Variants in HEY2 observed in about 807,000 individuals in gnomAD.
HEY2 encodes the protein hes related family bHLH transcription factor with YRPW motif 2, also known as hairy/enhancer-of-split related with YRPW motif protein 2.
In HEY2, 10 loss-of-function variants were observed where a neutral mutation model predicts 18.1. That is an observed-to-expected ratio of 0.55 (90% CI 0.34 to 0.94). The LOEUF is 0.94. HEY2 is among the 40% of genes least tolerant of loss of function. The pLI is 0.02. For synonymous variants in HEY2, 210 were observed against 182.7 expected, an observed-to-expected ratio of 1.15 and a Z score of -1.21; for missense variants, 455 against 455.9, an observed-to-expected ratio of 1.00 and a Z score of 0.02.
At position 125,754,535 on chromosome 6, in the gene HEY2, CAG is replaced by C. The variant is rs1381489248; in HGVS notation, c.318_319del (p.Gly108Ter). 14 of 1,584,072 alleles carry C rather than the reference CAG, an allele frequency of 8.8e-6. No individual in the cohort carries two copies. The highest frequency in any genetic ancestry group is 2.3e-5 in the South Asian group (2 of 86,788). Reference sequence around the variant, plus strand: ...GATCATTTGAAGATGCTTCAGGCAACAGGGGGTAAAGGTAAGTAGATGACTTC... The same window carrying C: ...GATCATTTGAAGATGCTTCAGGCAACGGGGTAAAGGTAAGTAGATGACTTC... On this transcript the variant is annotated frameshift_variant, in exon 4 of 5. Transcript: ENST00000368364. LOFTEE classifies it low-confidence loss of function (END_TRUNC).
chr6:125,755,653 C>T (rs1773640189), intron 4 of HEY2, among the ~76,000 whole-genome samples: 1 of 152,162 alleles, frequency 6.6e-6, no homozygotes, highest in Admixed American at 6.5e-5. Context: ...TTTCCTGCGT[C>T]TAGTAGGGAG....
chr6:125,754,439 A>G, intron 3 of HEY2, 26 bp from the exon 4 acceptor site: 11 of 1,222,516 alleles, frequency 9.0e-6, no homozygotes, highest in Non-Finnish European at 1.3e-5. Flanking sequence ...ACATAGGATT[A>G]TTTATTTATT....
In HEY2 at chr6:125,759,959, T is replaced by G. The variant is rs1263386376; in HGVS notation, c.*157T>G. 1 of 671,156 alleles carries G rather than the reference T, an allele frequency of 1.5e-6. No individual in the cohort carries two copies. The highest frequency in any genetic ancestry group is 1.8e-5 in the African/African-American group (1 of 54,992). 41.6% of individuals were successfully genotyped at this position (671,156 alleles called of 1,614,324 possible). ...ACAAACCTCACGAGTGGAAATGTGG[T>G]ATTCTCTTTTTTTTCTCTCCCTTTT... On this transcript the variant is annotated 3_prime_UTR_variant, in exon 5 of 5. Transcript: ENST00000368364.
In HEY2 at chr6:125,749,868, G is replaced by T; in HGVS notation, c.83+9G>T. The T allele has an allele frequency of 2.6e-6, 4 of 1,560,538 alleles. No individual in the cohort carries two copies. Among genetic ancestry groups the T allele is most frequent in the Non-Finnish European group, 3.5e-6 (4 of 1,152,396 alleles). On this transcript the variant is annotated intron_variant, in intron 1 of 4. Coordinates refer to ENST00000368364, the MANE Select transcript of HEY2 (RefSeq NM_012259.3). ...GAGAACAATTACTCGGGGTGAGCGC[G>T]GGCTCCGCGGGAGCGGCCCGCAGCT...
chr6:125,759,442 G>A lies in HEY2; in HGVS notation c.654G>A (p.Val218=). ...GTCGCCTCTCCACAACTTCAGAAGT[G>A]CCTCCTGCCCACGGCTCTGCTCTCC... The part of the protein sequence containing the change: ...TPCRLSTTSE[V]PPAHGSALLT... Residue 218 remains valine, a synonymous_variant, in exon 5 of 5, where the codon GTG becomes GTA. Coordinates refer to ENST00000368364, the MANE Select transcript of HEY2 (RefSeq NM_012259.3). The A allele has an allele frequency of 6.2e-7, 1 of 1,611,618 alleles. No individual in the cohort carries two copies. The highest frequency in any genetic ancestry group is 8.5e-7 in the Non-Finnish European group (1 of 1,179,936).
intron 2 of HEY2, 28 bp downstream of exon 2, chr6:125,751,907 C>T (rs1483018867): frequency 6.3e-7 from 1 of 1,588,064 alleles, no homozygotes; most frequent in South Asian, 1.1e-5. Context: ...CTTTTTATTT[C>T]ATGTAACTTA....
intron 4 of HEY2, among the ~76,000 whole-genome samples, chr6:125,755,590 A>G (rs2128529047): frequency 1.3e-5 from 2 of 152,250 alleles, no homozygotes; most frequent in South Asian, 2.1e-4. Context: ...TAACTCCTGT[A>G]TGGCCATACC....
In HEY2 at chr6:125,759,297, C is replaced by T. The variant is rs1014405316; in HGVS notation, c.509C>T (p.Thr170Ile). 6.2e-6 allele frequency: 10 copies of T among 1,605,866 alleles called. No individual in the cohort carries two copies. The African/African-American group carries it at 9.3e-5, about 15-fold the overall frequency. ...ACCCAGCGGGAGGCGGCGGCCATGACATCCTCCATGGCCCACCACCATCAT... is the reference window on the plus strand; with the variant it reads ...ACCCAGCGGGAGGCGGCGGCCATGATATCCTCCATGGCCCACCACCATCAT... The part of the protein sequence containing the change: ...CATQREAAAM[T>I]SSMAHHHHPL... Residue 170 changes from threonine (T) to isoleucine (I), a missense_variant, in exon 5 of 5, where the codon ACA (threonine) becomes ATA (isoleucine). Physicochemically the swap from Thr to Ile is moderately conservative, Grantham distance 89. Transcript: ENST00000368364.
At chr6:125,758,821 G>A (rs773231560) in intron 4 of HEY2, among the ~76,000 whole-genome samples, 11 of 152,166 alleles carry the variant, frequency 7.2e-5, no homozygotes, top group African/African-American at 2.4e-4. Flanking sequence ...TTTGAAACGC[G>A]GATGTTCTTA....
In HEY2 at chr6:125,754,449, T is replaced by G; in HGVS notation, c.247-16T>G. On this transcript the variant is annotated splice_polypyrimidine_tract_variant and intron_variant, in intron 3 of 4. Coordinates refer to ENST00000368364, the MANE Select transcript of HEY2 (RefSeq NM_012259.3). Reference sequence around the variant, plus strand: ...GTAGGACATAGGATTATTTATTTATTTATTTATTTATGAAGGGATCTGCAA... The same window carrying G: ...GTAGGACATAGGATTATTTATTTATGTATTTATTTATGAAGGGATCTGCAA... 2 of 1,406,578 alleles carry G rather than the reference T, an allele frequency of 1.4e-6. No individual in the cohort carries two copies. The highest frequency in any genetic ancestry group is 2.0e-6 in the Non-Finnish European group (2 of 1,017,732). 87.1% of individuals were successfully genotyped at this position (1,406,578 alleles called of 1,614,324 possible).
chr6:125,751,081 G>A (rs963029504), intron 1 of HEY2, among the ~76,000 whole-genome samples: 1 of 152,170 alleles, frequency 6.6e-6, no homozygotes, highest in African/African-American at 2.4e-5. Flanking sequence ...AAGGTGCATT[G>A]CAGCTTCTGG....
rs1773729040 is a variant in HEY2, at chr6:125,759,219, A to T, written c.431A>T (p.Asp144Val). ...ARYLSSVEGLDSSDPLRVRLV... is the reference protein window; with the variant it reads ...ARYLSSVEGLVSSDPLRVRLV... ...TACCTGAGCTCCGTGGAAGGCCTGG[A>T]CTCCTCGGATCCGCTGCGGGTGCGG... The change falls in exon 5 of 5, where the codon GAC becomes GTC. Residue 144 changes from aspartate to valine, a missense_variant. Coordinates refer to ENST00000368364, the MANE Select transcript of HEY2 (RefSeq NM_012259.3). The T allele has an allele frequency of 1.2e-6, 2 of 1,612,568 alleles. No homozygotes were observed. Among genetic ancestry groups the T allele is most frequent in the Non-Finnish European group, 1.7e-6 (2 of 1,179,950 alleles).
At chr6:125,753,576 A>AAAGAGAACT (rs1300587458) in intron 3 of HEY2, among the ~76,000 whole-genome samples, 1 of 152,200 alleles carries the variant, frequency 6.6e-6, no homozygotes, top group Non-Finnish European at 1.5e-5. Flanking sequence ...AAAGAAAAAA[A>AAAGAGAACT]AAGAGAACAT....
rs1269198137 is a variant in HEY2, at chr6:125,759,605, G to A, written c.817G>A (p.Ala273Thr). The change falls in exon 5 of 5, where the codon GCG becomes ACG. Residue 273 changes from alanine (A) to threonine (T), a missense_variant. Physicochemically the swap from Ala to Thr is moderately conservative, Grantham distance 58. Coordinates refer to ENST00000368364, the MANE Select transcript of HEY2 (RefSeq NM_012259.3). The part of the protein sequence containing the change: ...TVHAAAAAAT[A>T]AAHSFPLSFA... ...CCACGCCGCAGCCGCAGCAGCCACC[G>A]CGGCTGCACACAGCTTCCCTCTGTC... 3 of 1,610,420 alleles carry A rather than the reference G, an allele frequency of 1.9e-6. No homozygotes were observed. The highest frequency in any genetic ancestry group is 2.5e-6 in the Non-Finnish European group (3 of 1,179,790).
intron 3 of HEY2, among the ~76,000 whole-genome samples, chr6:125,753,865 A>G (rs943989563): frequency 3.3e-5 from 5 of 152,132 alleles, no homozygotes; most frequent in African/African-American, 1.2e-4. Flanking sequence ...ATTATTGGGG[A>G]AAAAAACCTT....
At position 125,759,593 on chromosome 6, in the gene HEY2, G is replaced by T; in HGVS notation, c.805G>T (p.Ala269Ser). 6.2e-7 allele frequency: 1 copy of T among 1,610,298 alleles called. No homozygotes were observed. Among genetic ancestry groups the T allele is most frequent in the Non-Finnish European group, 8.5e-7 (1 of 1,179,754 alleles). ...SLSATVHAAA[A>S]AATAAAHSFP... ...CTCTGCCACCGTCCACGCCGCAGCCGCAGCAGCCACCGCGGCTGCACACAG... is the reference window on the plus strand; with the variant it reads ...CTCTGCCACCGTCCACGCCGCAGCCTCAGCAGCCACCGCGGCTGCACACAG... The change falls in exon 5 of 5, where the codon GCA becomes TCA. Residue 269 changes from alanine (A) to serine (S), a missense_variant. Coordinates refer to ENST00000368364, the MANE Select transcript of HEY2 (RefSeq NM_012259.3).
Position 125,759,171 on chromosome 6 carries a change from A to G in HEY2, c.383A>G (p.Glu128Gly), listed in dbSNP as rs1172255018. ...GACTTCATGAGCATAGGATTCCGAG[A>G]GTGCCTAACAGAAGTTGCGCGGTAC... ...AMDFMSIGFRECLTEVARYLS... is the reference protein window; with the variant it reads ...AMDFMSIGFRGCLTEVARYLS... The change falls in exon 5 of 5, where the codon GAG becomes GGG. Residue 128 changes from glutamate (E) to glycine (G), a missense_variant. Coordinates refer to ENST00000368364, the MANE Select transcript of HEY2 (RefSeq NM_012259.3). 1.9e-6 allele frequency: 3 copies of G among 1,613,502 alleles called. No individual in the cohort carries two copies. Among genetic ancestry groups the G allele is most frequent in the Non-Finnish European group, 2.5e-6 (3 of 1,179,866 alleles).
intron 1 of HEY2, chr6:125,750,520 G>A (rs1391330889): frequency 2.2e-6 from 1 of 463,442 alleles, no homozygotes; most frequent in African/African-American, 2.1e-5. Flanking sequence ...GAGCCAAGGC[G>A]GGTCAAATGA....
Position 125,754,563 on chromosome 6 carries a change from A to ATTT in HEY2, c.328+30_328+32dup. The ATTT allele has an allele frequency of 1.1e-4, 123 of 1,102,636 alleles. No individual in the cohort carries two copies. The highest frequency in any genetic ancestry group is 1.5e-4 in the Admixed American group (6 of 40,276). 68.3% of individuals were successfully genotyped at this position (1,102,636 alleles called of 1,614,324 possible). ...GGGGTAAAGGTAAGTAGATGACTTC[A>ATTT]TTTTTTTTTTTTTTTGCCTTTTTTA... On this transcript the variant is annotated intron_variant, in intron 4 of 4. Coordinates refer to ENST00000368364, the MANE Select transcript of HEY2 (RefSeq NM_012259.3).
Sources: gnomAD v4.1 joint callset for allele counts (sites outside exome capture counted in the v4.1 genomes callset) on GRCh38, gnomAD v4.1.1 for gene constraint, MANE v1.5 for transcripts, NCBI Gene and HGNC (gene_info 2026-07-23, HGNC 2026-07-21) for gene names.